Variants in FBXL17 observed in about 807,000 individuals in gnomAD.
The protein encoded by FBXL17 is F-box/LRR-repeat protein 17.
Under a neutral mutation model 66.2 loss-of-function variants are expected in FBXL17, and 22 were observed. The observed-to-expected ratio is 0.33, with a 90% CI of 0.24 to 0.47. The LOEUF (loss-of-function observed/expected upper bound fraction) is 0.47, where lower values mean the gene tolerates loss of function less well. FBXL17 is among the 20% of genes least tolerant of loss of function. The pLI is 1.00. For synonymous variants in FBXL17, 474 were observed against 400.5 expected, an observed-to-expected ratio of 1.18 and a Z score of -2.19; for missense variants, 878 against 948.2, an observed-to-expected ratio of 0.93 and a Z score of 0.97.
chr5:108,374,410 G>C (rs752293562), intron 1 of FBXL17, among the ~76,000 whole-genome samples: 1 of 152,134 alleles, frequency 6.6e-6, no homozygotes, highest in African/African-American at 2.4e-5. Context: ...AGCAGCTCAG[G>C]CCTATAATTC....
At position 108,213,910 on chromosome 5, in the gene FBXL17, T is replaced by C. The variant is rs566582858; in HGVS notation, c.1614+10211A>G. Reference sequence around the variant, plus strand: ...GACAGTTCTTAATATATTCTAGACATAGTTTATCAGATATACAGTTTTCAA... The same window carrying C: ...GACAGTTCTTAATATATTCTAGACACAGTTTATCAGATATACAGTTTTCAA... On this transcript the variant is annotated intron_variant, in intron 5 of 8. Transcript: ENST00000542267. Among the ~76,000 whole-genome samples the C allele has an allele frequency of 5.9e-5, 9 of 152,364 alleles. No individual in the cohort carries two copies. The East Asian group carries it at 1.2e-3, about 20-fold the overall frequency.
At chr5:108,063,173 A>G (rs1747990486) in intron 6 of FBXL17, among the ~76,000 whole-genome samples, 1 of 152,118 alleles carries the variant, frequency 6.6e-6, no homozygotes, top group African/African-American at 2.4e-5. Flanking sequence ...ACCTCTCACA[A>G]TGGAAAGCTG....
At chr5:107,978,702 A>T (rs1752683681) in intron 7 of FBXL17, among the ~76,000 whole-genome samples, 1 of 152,014 alleles carries the variant, frequency 6.6e-6, no homozygotes, top group Admixed American at 6.6e-5. Flanking sequence ...AACATTCCCC[A>T]TTCCCTACCC....
intron 4 of FBXL17, among the ~76,000 whole-genome samples, chr5:108,242,738 T>C (rs893975058): frequency 2.6e-5 from 4 of 152,152 alleles, no homozygotes; most frequent in African/African-American, 9.7e-5. Flanking sequence ...CTTCATCTAC[T>C]TCCAAAACAC....
At chr5:107,901,666 C>G (rs1371790794) in intron 7 of FBXL17, among the ~76,000 whole-genome samples, 1 of 152,204 alleles carries the variant, frequency 6.6e-6, no homozygotes, top group Non-Finnish European at 1.5e-5. Context: ...GTATCTGCCA[C>G]TCATTCCTCT....
chr5:108,047,411 A>C (rs1338487614), intron 6 of FBXL17, among the ~76,000 whole-genome samples: 1 of 152,184 alleles, frequency 6.6e-6, no homozygotes, highest in East Asian at 1.9e-4. Context: ...AATCCGCTTA[A>C]GCCTGCCAGG....
intron 6 of FBXL17, among the ~76,000 whole-genome samples, chr5:108,175,083 C>T (rs781271212): frequency 6.6e-6 from 1 of 152,122 alleles, no homozygotes; most frequent in Non-Finnish European, 1.5e-5. Context: ...AACCAATTGC[C>T]TGGATTTCAG....
chr5:107,925,151 GAA>G (rs1750485569), intron 7 of FBXL17, among the ~76,000 whole-genome samples: 1 of 152,160 alleles, frequency 6.6e-6, no homozygotes, highest in Non-Finnish European at 1.5e-5. Context: ...TGGCCATTCT[GAA>G]ATGTTCCTCA....
chr5:108,001,166 G>A (rs570560374), intron 7 of FBXL17, among the ~76,000 whole-genome samples: 6 of 152,222 alleles, frequency 3.9e-5, no homozygotes, highest in Admixed American at 1.3e-4. Context: ...GTTGCTAGCC[G>A]TGTAATTTAT....
chr5:108,317,070 T>C (rs966329455), intron 4 of FBXL17, among the ~76,000 whole-genome samples: 1 of 151,260 alleles, frequency 6.6e-6, no homozygotes, highest in East Asian at 1.9e-4. Context: ...TTCTGAGTTA[T>C]ACCACTATCA....
chr5:107,868,291 ATTCGT>A (rs1194515430), intron 8 of FBXL17, among the ~76,000 whole-genome samples: 1 of 152,220 alleles, frequency 6.6e-6, no homozygotes, highest in Non-Finnish European at 1.5e-5. Context: ...GTTTACTGAC[ATTCGT>A]TTTTTTACTG....
chr5:107,906,583 T>C (rs1668355920), intron 7 of FBXL17, among the ~76,000 whole-genome samples: 1 of 152,114 alleles, frequency 6.6e-6, no homozygotes. Context: ...TAATAAGAAG[T>C]AGGGACAGGA....
At chr5:107,904,355 T>C (rs1286245087) in intron 7 of FBXL17, among the ~76,000 whole-genome samples, 8 of 152,128 alleles carry the variant, frequency 5.3e-5, no homozygotes, top group African/African-American at 1.9e-4. Flanking sequence ...CTACCATCTC[T>C]TTCAGCATCT....
chr5:107,987,652 T>C (rs1045674348), intron 7 of FBXL17, among the ~76,000 whole-genome samples: 4 of 152,018 alleles, frequency 2.6e-5, no homozygotes, highest in Non-Finnish European at 5.9e-5. Flanking sequence ...CGTGAAAATC[T>C]TGTCTACTAT....
chr5:108,320,492 T>TA (rs1244624639), intron 4 of FBXL17, among the ~76,000 whole-genome samples: 1 of 151,802 alleles, frequency 6.6e-6, no homozygotes, highest in African/African-American at 2.4e-5. Flanking sequence ...AAAAGAGAAC[T>TA]AAAAAAATTG....
At chr5:108,312,283 T>C (rs973055351) in intron 4 of FBXL17, among the ~76,000 whole-genome samples, 2 of 152,146 alleles carry the variant, frequency 1.3e-5, no homozygotes, top group Non-Finnish European at 2.9e-5. Flanking sequence ...TCGTAGAATG[T>C]TGCTCATTTG....
At chr5:108,318,714 T>C (rs1405240723) in intron 4 of FBXL17, among the ~76,000 whole-genome samples, 1 of 151,934 alleles carries the variant, frequency 6.6e-6, no homozygotes, top group Admixed American at 6.6e-5. Flanking sequence ...TTTGAGTACC[T>C]AGAATTAACA....
chr5:108,169,290 C>T (rs1218892586), intron 6 of FBXL17, among the ~76,000 whole-genome samples: 1 of 152,136 alleles, frequency 6.6e-6, no homozygotes, highest in Non-Finnish European at 1.5e-5. Flanking sequence ...TTACTGAAAG[C>T]TTCTAATTCC....
intron 7 of FBXL17, among the ~76,000 whole-genome samples, chr5:107,972,679 G>C (rs150394693): frequency 6.6e-6 from 1 of 152,022 alleles, no homozygotes; most frequent in Admixed American, 6.6e-5. Context: ...CTATAAGACA[G>C]TTATTAAGTC....
Sources: allele counts gnomAD v4.1 joint callset (sites outside exome capture counted in the v4.1 genomes callset), GRCh38; gene constraint gnomAD v4.1.1; transcripts MANE v1.5; gene names NCBI Gene and HGNC (gene_info 2026-07-23, HGNC 2026-07-21).